The following ELMO1 variants were observed in gnomAD, a reference collection of about 807,000 sequenced individuals.
ELMO1 encodes the protein engulfment and cell motility protein 1.
In ELMO1, 26 loss-of-function variants were observed where a neutral mutation model predicts 98.9. That is an observed-to-expected ratio of 0.26 (90% CI 0.19 to 0.36). The LOEUF is 0.36. ELMO1 is among the 10% of genes least tolerant of loss of function. ELMO1 has a pLI of 1.00. For missense variants in ELMO1, 627 were observed against 935.2 expected, an observed-to-expected ratio of 0.67 and a Z score of 4.30; for synonymous variants, 346 against 346.0, an observed-to-expected ratio of 1.00 and a Z score of 0.00.
At chr7:36,884,502 C>A (rs1334553757) in intron 18 of ELMO1, among the ~76,000 whole-genome samples, 1 of 152,096 alleles carries the variant, frequency 6.6e-6, no homozygotes, top group East Asian at 1.9e-4. Context: ...AAGAGGAGCA[C>A]AAAGACATTG....
chr7:36,933,778 G>A (rs1038665388), intron 16 of ELMO1, among the ~76,000 whole-genome samples: 9 of 152,088 alleles, frequency 5.9e-5, no homozygotes, highest in Non-Finnish European at 1.2e-4. Context: ...GAAAGGCAGC[G>A]GGCCTGAGGC....
chr7:37,254,875 T>C (rs754475546), intron 6 of ELMO1, among the ~76,000 whole-genome samples: 6 of 152,236 alleles, frequency 3.9e-5, no homozygotes, highest in African/African-American at 9.6e-5. Context: ...TCTCACATTG[T>C]ATAATACGTG....
At chr7:37,146,155 T>G (rs1787974652) in intron 13 of ELMO1, among the ~76,000 whole-genome samples, 1 of 152,168 alleles carries the variant, frequency 6.6e-6, no homozygotes, top group South Asian at 2.1e-4. Flanking sequence ...GAACATTGAT[T>G]CCAGTGTCCT....
intron 15 of ELMO1, among the ~76,000 whole-genome samples, chr7:37,088,135 G>C (rs1029381059): frequency 6.6e-6 from 1 of 152,160 alleles, no homozygotes; most frequent in Admixed American, 6.5e-5. Flanking sequence ...GCTGATTGGG[G>C]CCAGCTATAT....
In ELMO1 at chr7:37,024,655, A is replaced by G. The variant is rs189840475; in HGVS notation, c.1301-11220T>C. ...CTGTTCATGTCCCTGAGACTCTTCT[A>G]CTATGATGGGAATAACAAAAACTCA... On this transcript the variant is annotated intron_variant, in intron 15 of 21. Coordinates refer to ENST00000310758, the MANE Select transcript of ELMO1 (RefSeq NM_014800.11). Among the ~76,000 whole-genome samples, 326 of 152,306 alleles carry G rather than the reference A, an allele frequency of 2.1e-3. 2 individuals carry two copies. Among genetic ancestry groups the G allele is most frequent in the African/African-American group, 6.2e-3 (258 of 41,550 alleles).
intron 16 of ELMO1, among the ~76,000 whole-genome samples, chr7:36,896,995 G>A (rs902614073): frequency 2.6e-5 from 4 of 152,202 alleles, no homozygotes; most frequent in African/African-American, 9.7e-5. Flanking sequence ...ATAGAATCAG[G>A]TTAAAGCTAA....
At chr7:37,417,660 TCACA>T (rs34297401) in intron 1 of ELMO1, among the ~76,000 whole-genome samples, 11 of 109,616 alleles carry the variant, frequency 1.0e-4, no homozygotes, top group South Asian at 3.5e-4. Flanking sequence ...TAAGACTCCG[TCACA>T]CACACACACA....
Position 37,213,367 on chromosome 7 carries a change from T to G in ELMO1, c.922A>C (p.Arg308=). The G allele has an allele frequency of 6.2e-7, 1 of 1,612,978 alleles. No homozygotes were observed. The highest frequency in any genetic ancestry group is 1.3e-5 in the African/African-American group (1 of 75,014). Residue 308 remains arginine, a synonymous_variant, in exon 12 of 22, where the codon AGG becomes CGG. Transcript: ENST00000310758. ...QVLTFNLLED[R]MMTKMDPQDQ... ...TGGGGGTCCATTTTGGTCATCATCC[T>G]GTCTTCCAGGAGGTTAAAGGTGAGC... is the stretch of plus-strand genomic sequence containing the variant.
intron 13 of ELMO1, among the ~76,000 whole-genome samples, chr7:37,169,565 ATTGTT>A (rs1264137363): frequency 6.6e-6 from 1 of 152,252 alleles, no homozygotes; most frequent in African/African-American, 2.4e-5. Context: ...AAAAAAATGT[ATTGTT>A]AAGATTTGCG....
chr7:37,020,494 C>A (rs1584524859), intron 15 of ELMO1, among the ~76,000 whole-genome samples: 1 of 152,252 alleles, frequency 6.6e-6, no homozygotes, highest in East Asian at 1.9e-4. Flanking sequence ...ACTTGTTAAT[C>A]CTACCTAATG....
At position 37,213,302 on chromosome 7, in the gene ELMO1, C is replaced by T. The variant is rs372128177; in HGVS notation, c.954+33G>A. On this transcript the variant is annotated intron_variant, in intron 12 of 21. Coordinates refer to ENST00000310758, the MANE Select transcript of ELMO1 (RefSeq NM_014800.11). ...CTTTTAATGACACTTTCTGTCCTTCCTGTGCTTTGACTGCTGTCCAATGAG... is the reference window on the plus strand; with the variant it reads ...CTTTTAATGACACTTTCTGTCCTTCTTGTGCTTTGACTGCTGTCCAATGAG... 22 of 1,604,298 alleles carry T rather than the reference C, an allele frequency of 1.4e-5. No individual in the cohort carries two copies. In the African/African-American group the frequency reaches 2.5e-4, roughly 19 times the overall value.
intron 4 of ELMO1, among the ~76,000 whole-genome samples, chr7:37,279,669 G>A (rs1263625795): frequency 6.6e-6 from 1 of 152,222 alleles, no homozygotes; most frequent in East Asian, 1.9e-4. Flanking sequence ...GGAAGCAGCA[G>A]AAAGGTCCTG....
At chr7:37,181,727 C>T (rs994736801) in intron 13 of ELMO1, among the ~76,000 whole-genome samples, 1 of 152,182 alleles carries the variant, frequency 6.6e-6, no homozygotes, top group Non-Finnish European at 1.5e-5. Flanking sequence ...CAGGGTCACA[C>T]AGCTAGTAAG....
intron 19 of ELMO1, among the ~76,000 whole-genome samples, chr7:36,876,397 CTT>C (rs75810029): frequency 3.1e-4 from 43 of 138,618 alleles, no homozygotes; most frequent in East Asian, 6.2e-4. Flanking sequence ...TTTTAATATC[CTT>C]TTTTTTTTTT....
intron 13 of ELMO1, among the ~76,000 whole-genome samples, chr7:37,198,942 C>T (rs1792124170): frequency 2.0e-5 from 3 of 152,166 alleles, no homozygotes; most frequent in African/African-American, 4.8e-5. Context: ...TAGAAGAGTC[C>T]CCACTAAGTC....
At chr7:37,139,584 AAC>A (rs1787481001) in intron 13 of ELMO1, among the ~76,000 whole-genome samples, 1 of 152,358 alleles carries the variant, frequency 6.6e-6, no homozygotes, top group South Asian at 2.1e-4. Context: ...AACAAATGGA[AAC>A]ACATCCCATG....
At chr7:37,379,166 A>C (rs943796154) in intron 1 of ELMO1, among the ~76,000 whole-genome samples, 12 of 152,020 alleles carry the variant, frequency 7.9e-5, no homozygotes, top group African/African-American at 2.9e-4. Flanking sequence ...CCGCCTCCCA[A>C]GTAGCTGGGA....
chr7:37,008,892 C>G (rs1039656599), intron 16 of ELMO1, among the ~76,000 whole-genome samples: 1 of 152,154 alleles, frequency 6.6e-6, no homozygotes, highest in Non-Finnish European at 1.5e-5. Flanking sequence ...AATGAAAATA[C>G]TCATTCATAG....
At chr7:37,438,737 T>G (rs1445200399) in intron 1 of ELMO1, among the ~76,000 whole-genome samples, 1 of 152,230 alleles carries the variant, frequency 6.6e-6, no homozygotes, top group Non-Finnish European at 1.5e-5. Context: ...TGGGGACTTA[T>G]ATTACCTACA....
Sources: allele counts gnomAD v4.1 joint callset (sites outside exome capture counted in the v4.1 genomes callset), GRCh38; gene constraint gnomAD v4.1.1; transcripts MANE v1.5; gene names NCBI Gene and HGNC (gene_info 2026-07-23, HGNC 2026-07-21).